Variants in SHANK2 observed in about 807,000 individuals in gnomAD.
The protein encoded by SHANK2 is SH3 and multiple ankyrin repeat domains protein 2.
Under a neutral mutation model 133.7 loss-of-function variants are expected in SHANK2, and 43 were observed. That is an observed-to-expected ratio of 0.32 (90% CI 0.25 to 0.41). The LOEUF (loss-of-function observed/expected upper bound fraction) is 0.41, where lower values mean the gene tolerates loss of function less well. SHANK2 is among the 10% of genes least tolerant of loss of function. SHANK2 has a pLI of 1.00. For synonymous variants in SHANK2, 1,017 were observed against 952.8 expected, an observed-to-expected ratio of 1.07 and a Z score of -1.24; for missense variants, 1,994 against 2,235.8, an observed-to-expected ratio of 0.89 and a Z score of 2.18.
intron 2 of SHANK2, among the ~76,000 whole-genome samples, chr11:71,207,217 T>C (rs1278984182): frequency 7.0e-6 from 1 of 143,142 alleles, no homozygotes; most frequent in East Asian, 2.3e-4. Flanking sequence ...TCTTACTCTA[T>C]CAACCAGGCT....
intron 15 of SHANK2, chr11:70,669,191 A>C (rs1944745533): frequency 6.6e-6 from 1 of 152,268 alleles, no homozygotes; most frequent in South Asian, 2.1e-4. Context: ...CATCAGCGTG[A>C]ACACTGTCGT....
chr11:70,499,871 G>A (rs577289135), intron 21 of SHANK2, among the ~76,000 whole-genome samples: 1 of 152,318 alleles, frequency 6.6e-6, no homozygotes, highest in East Asian at 1.9e-4. Context: ...ATGTGCCTTA[G>A]GGCCAGGTGC....
chr11:70,491,532 C>T (rs1555155837), intron 22 of SHANK2, among the ~76,000 whole-genome samples: 2 of 152,214 alleles, frequency 1.3e-5, no homozygotes, highest in Non-Finnish European at 2.9e-5. Context: ...ACAGAAAAGC[C>T]TTGTGGTAAA....
At chr11:70,608,998 G>A (rs1463783624) in intron 17 of SHANK2, among the ~76,000 whole-genome samples, 1 of 152,218 alleles carries the variant, frequency 6.6e-6, no homozygotes, top group African/African-American at 2.4e-5. Context: ...ATGGTCAGTG[G>A]GACTCAATCA....
chr11:71,248,018 C>T (rs1954985387), intron 1 of SHANK2, among the ~76,000 whole-genome samples: 1 of 152,232 alleles, frequency 6.6e-6, no homozygotes, highest in Non-Finnish European at 1.5e-5. Context: ...GCGTTTCAGC[C>T]AGTCCCTCCC....
Position 70,719,442 on chromosome 11 carries a change from G to A in SHANK2, c.1778-20679C>T, listed in dbSNP as rs1026764197. Reference sequence around the variant, plus strand: ...GGGCACCCAGTGGGTTGCTGGGGATGAGGATGGAGCTGGGCTTCACTCTCA... The same window carrying A: ...GGGCACCCAGTGGGTTGCTGGGGATAAGGATGGAGCTGGGCTTCACTCTCA... On this transcript the variant is annotated intron_variant, in intron 14 of 25. Transcript: ENST00000601538. Among the ~76,000 whole-genome samples the A allele has an allele frequency of 2.5e-4, 38 of 152,206 alleles. 2 individuals are homozygous for A. The highest frequency in any genetic ancestry group is 2.5e-3 in the Admixed American group (38 of 15,292).
intron 11 of SHANK2, among the ~76,000 whole-genome samples, chr11:70,829,978 G>T (rs1555057943): frequency 1.3e-5 from 2 of 152,182 alleles, no homozygotes; most frequent in African/African-American, 4.8e-5. Flanking sequence ...CACTACCTTT[G>T]CACAGGGGTT....
At chr11:70,550,845 C>G (rs2059756100) in intron 17 of SHANK2, among the ~76,000 whole-genome samples, 1 of 152,210 alleles carries the variant, frequency 6.6e-6, no homozygotes, top group Non-Finnish European at 1.5e-5. Context: ...AATGTGAGTC[C>G]AGCCTCAGGG....
At chr11:70,725,839 A>C (rs1386836074) in intron 14 of SHANK2, among the ~76,000 whole-genome samples, 1 of 152,244 alleles carries the variant, frequency 6.6e-6, no homozygotes, top group Non-Finnish European at 1.5e-5. Flanking sequence ...GTACAGAAGC[A>C]TGGGGGGAAG....
At chr11:70,775,881 C>T (rs1247275837) in intron 14 of SHANK2, among the ~76,000 whole-genome samples, 2 of 152,244 alleles carry the variant, frequency 1.3e-5, no homozygotes, top group African/African-American at 2.4e-5. Flanking sequence ...TGTTTCCCAT[C>T]GTCTATTTCA....
In SHANK2 at chr11:71,072,291, T is replaced by C. The variant is rs1951153127; in HGVS notation, c.1029+2868A>G. Among the ~76,000 whole-genome samples, 4 of 150,708 alleles carry C rather than the reference T, an allele frequency of 2.7e-5. No homozygotes were observed. The South Asian group carries it at 8.4e-4, about 32-fold the overall frequency. On this transcript the variant is annotated intron_variant, in intron 9 of 25. Transcript: ENST00000601538. ...CGCTCCTACAGGACCAGCAGCCTCC[T>C]GCGGGACCAACAGCCCCCCACGCCC...
intron 17 of SHANK2, among the ~76,000 whole-genome samples, chr11:70,658,885 G>A (rs781986699): frequency 3.9e-5 from 6 of 152,242 alleles, no homozygotes. Flanking sequence ...TGCATGTGGA[G>A]TTCTGATGTA....
intron 14 of SHANK2, among the ~76,000 whole-genome samples, chr11:70,700,867 T>C (rs945105423): frequency 6.6e-6 from 1 of 152,174 alleles, no homozygotes; most frequent in African/African-American, 2.4e-5. Flanking sequence ...GGTCAGGCAA[T>C]CCCTGTGACA....
At chr11:70,757,287 C>G (rs983586061) in intron 14 of SHANK2, among the ~76,000 whole-genome samples, 1 of 152,180 alleles carries the variant, frequency 6.6e-6, no homozygotes, top group Non-Finnish European at 1.5e-5. Flanking sequence ...TCTCTAGCCT[C>G]GGTTTCCTTA....
At chr11:71,093,050 A>AAG (rs1298220162) in intron 7 of SHANK2, among the ~76,000 whole-genome samples, 2 of 19,458 alleles carry the variant, frequency 1.0e-4, no homozygotes, top group Non-Finnish European at 5.1e-4. Context: ...CTCAAAAATA[A>AAG]AGGGGGGGGG....
intron 1 of SHANK2, among the ~76,000 whole-genome samples, chr11:71,237,780 C>T (rs1304521632): frequency 6.6e-6 from 1 of 152,166 alleles, no homozygotes; most frequent in East Asian, 1.9e-4. Context: ...TCCCAGGCTC[C>T]CCACCTCCTC....
chr11:71,171,221 G>A (rs1373364367), intron 2 of SHANK2, among the ~76,000 whole-genome samples: 2 of 152,208 alleles, frequency 1.3e-5, no homozygotes, highest in African/African-American at 4.8e-5. Context: ...TTGTCAGGGG[G>A]CTGACAGAGT....
chr11:71,113,249 C>T (rs1167419792), intron 5 of SHANK2, 44 bp downstream of exon 5: 17 of 1,505,690 alleles, frequency 1.1e-5, no homozygotes, highest in African/African-American at 6.9e-5. Flanking sequence ...ACAAGGAGGA[C>T]GCCGCCTGCC....
At chr11:70,646,938 G>T (rs1555008528) in intron 17 of SHANK2, among the ~76,000 whole-genome samples, 1 of 151,846 alleles carries the variant, frequency 6.6e-6, no homozygotes, top group Non-Finnish European at 1.5e-5. Context: ...TCGGCTCACT[G>T]CAACCTCTGC....
Sources: allele counts gnomAD v4.1 joint callset (sites outside exome capture counted in the v4.1 genomes callset), GRCh38; gene constraint gnomAD v4.1.1; transcripts MANE v1.5; gene names NCBI Gene and HGNC (gene_info 2026-07-23, HGNC 2026-07-21).